NTM: variants seen among roughly 807,000 people sequenced by gnomAD.
The protein encoded by NTM is neurotrimin, also known as IgLON family member 2.
Under a neutral mutation model 42.1 loss-of-function variants are expected in NTM, and 13 were observed. The observed-to-expected ratio is 0.31, with a 90% confidence interval of 0.20 to 0.49. The LOEUF (loss-of-function observed/expected upper bound fraction) is 0.49. Ranked by LOEUF, NTM falls within the 20% of genes least tolerant of loss-of-function variation. The pLI is 0.99. For synonymous variants in NTM, 187 were observed against 179.2 expected (o/e 1.04, Z -0.35); for missense variants, 373 against 452.8 (o/e 0.82, Z 1.60).
intron 1 of NTM, among the ~76,000 whole-genome samples, chr11:131,796,716 G>A (rs79753420): frequency 2.0e-5 from 3 of 152,278 alleles, no homozygotes; most frequent in East Asian, 1.9e-4. Flanking sequence ...CGACATCAGC[G>A]CATGCGTAAG....
At chr11:131,509,798 A>C (rs2136448492) in intron 1 of NTM, among the ~76,000 whole-genome samples, 1 of 152,360 alleles carries the variant, frequency 6.6e-6, no homozygotes, top group South Asian at 2.1e-4. Flanking sequence ...AAAGAGGTAA[A>C]GGAGACCTGT....
chr11:132,063,497 A>G (rs2136055183), intron 2 of NTM, among the ~76,000 whole-genome samples: 1 of 152,262 alleles, frequency 6.6e-6, no homozygotes, highest in Non-Finnish European at 1.5e-5. Context: ...GATAAGGAAT[A>G]ATCAAAATAG....
At chr11:131,599,493 C>T (rs1198921442) in intron 1 of NTM, among the ~76,000 whole-genome samples, 3 of 152,228 alleles carry the variant, frequency 2.0e-5, no homozygotes, top group Non-Finnish European at 4.4e-5. Flanking sequence ...TCTGCCACAT[C>T]GATCTCAGCA....
At chr11:131,806,160 TA>T (rs199741193) in intron 1 of NTM, among the ~76,000 whole-genome samples, 2,557 of 152,340 alleles carry the variant, frequency 0.017, 28 homozygotes, top group Non-Finnish European at 0.026. Context: ...GATTACCTGC[TA>T]AATTCCATGC....
intron 1 of NTM, among the ~76,000 whole-genome samples, chr11:131,841,662 A>G (rs7938681): frequency 0.053 from 7,992 of 152,216 alleles, 706 homozygotes; most frequent in African/African-American, 0.18. Context: ...AACTGCTATC[A>G]GATAGGGAGG....
chr11:131,530,228 A>G (rs112720384), intron 1 of NTM, among the ~76,000 whole-genome samples: 5,618 of 152,250 alleles, frequency 0.037, 347 homozygotes, highest in African/African-American at 0.13. Context: ...TATTTAATAA[A>G]TACTTGCTGA....
At chr11:131,911,715 A>T (rs2055057702) in intron 2 of NTM, 67 bp downstream of exon 2, 3 of 1,596,042 alleles carry the variant, frequency 1.9e-6, no homozygotes, top group Non-Finnish European at 2.6e-6. Flanking sequence ...GCAGGGGTGC[A>T]GGTGTGTGCA....
At chr11:131,510,067 G>A (rs2048031960) in intron 1 of NTM, among the ~76,000 whole-genome samples, 1 of 152,120 alleles carries the variant, frequency 6.6e-6, no homozygotes, top group African/African-American at 2.4e-5. Flanking sequence ...AGCTCCTGGC[G>A]GTGCCTGTGG....
intron 4 of NTM, among the ~76,000 whole-genome samples, chr11:132,238,609 T>G (rs1330504594): frequency 6.6e-6 from 1 of 152,164 alleles, no homozygotes; most frequent in Non-Finnish European, 1.5e-5. Context: ...CTCCCAGAGC[T>G]CTGGCCATTT....
intron 2 of NTM, among the ~76,000 whole-genome samples, chr11:132,111,544 C>A (rs958272269): frequency 6.6e-6 from 1 of 152,104 alleles, no homozygotes; most frequent in Non-Finnish European, 1.5e-5. Context: ...AATTCCAATT[C>A]GTGATGCTGC....
rs540181016 is a variant in NTM, at chr11:131,591,181, C to T, written c.82+220293C>T. 5.8e-4 allele frequency among the ~76,000 whole-genome samples: 89 copies of T among 152,340 alleles called. 1 individual carries two copies. The highest frequency in any genetic ancestry group is 2.1e-3 in the African/African-American group (87 of 41,576). On this transcript the variant is annotated intron_variant, in intron 1 of 8. Coordinates refer to ENST00000683400, the MANE Select transcript of NTM (RefSeq NM_001352005.2). Reference sequence around the variant, plus strand: ...TTCCTCACCTCCTCCCAGCCCCCACCGCAGGGTTCTCTGCTCGCTGCTCTC... The same window carrying T: ...TTCCTCACCTCCTCCCAGCCCCCACTGCAGGGTTCTCTGCTCGCTGCTCTC...
At chr11:131,890,705 G>A (rs1222689255) in intron 1 of NTM, among the ~76,000 whole-genome samples, 2 of 152,066 alleles carry the variant, frequency 1.3e-5, no homozygotes, top group Non-Finnish European at 2.9e-5. Context: ...AGCTCAGAAC[G>A]AGCTCCTCGT....
At position 132,071,082 on chromosome 11, in the gene NTM, G is replaced by A. The variant is rs746705253; in HGVS notation, c.168-75200G>A. Among the ~76,000 whole-genome samples, 44 of 141,822 alleles carry A rather than the reference G, an allele frequency of 3.1e-4. 3 individuals carry two copies. Among genetic ancestry groups the A allele is most frequent in the African/African-American group, 8.4e-4 (33 of 39,066 alleles). The allele number at this position is 141,822 out of a possible 152,430, so 93.0% of individuals were successfully genotyped here. ...CTGACCGTCACAGGTTAGTTAACAC[G>A]TCACACAGCCAGGTTAGCACGTCAC... On this transcript the variant is annotated intron_variant, in intron 2 of 8. Coordinates refer to ENST00000683400, the MANE Select transcript of NTM (RefSeq NM_001352005.2).
chr11:132,316,584 G>A (rs142025623), intron 7 of NTM, among the ~76,000 whole-genome samples: 2,461 of 152,254 alleles, frequency 0.016, 26 homozygotes, highest in Non-Finnish European at 0.025. Flanking sequence ...CAGAAGTCCC[G>A]GAGCCTTAAC....
chr11:131,471,994 C>G (rs1249777998), intron 1 of NTM, among the ~76,000 whole-genome samples: 3 of 152,182 alleles, frequency 2.0e-5, no homozygotes, highest in Non-Finnish European at 4.4e-5. Flanking sequence ...TGAATTCCAA[C>G]CAGCCTCCTG....
chr11:131,473,112 T>G (rs751139634), intron 1 of NTM, among the ~76,000 whole-genome samples: 31 of 152,234 alleles, frequency 2.0e-4, no homozygotes, highest in Non-Finnish European at 4.4e-4. Flanking sequence ...ACTCATTTAA[T>G]AAGATACTTG....
intron 1 of NTM, among the ~76,000 whole-genome samples, chr11:131,406,221 G>T (rs1197888371): frequency 6.6e-6 from 1 of 152,154 alleles, no homozygotes; most frequent in East Asian, 1.9e-4. Context: ...AAAAGGGAAA[G>T]AAAATTTCTT....
intron 1 of NTM, among the ~76,000 whole-genome samples, chr11:131,376,529 A>G (rs530498211): frequency 3.6e-4 from 55 of 152,336 alleles, no homozygotes; most frequent in African/African-American, 1.3e-3. Context: ...TGCAAACTGC[A>G]AAACAAACCA....
intron 1 of NTM, among the ~76,000 whole-genome samples, chr11:131,835,443 G>T (rs2043366605): frequency 6.6e-6 from 1 of 152,132 alleles, no homozygotes; most frequent in Non-Finnish European, 1.5e-5. Flanking sequence ...ATAGAAGAAA[G>T]ATTTAAACAA....
Sources: allele counts gnomAD v4.1 joint callset (sites outside exome capture counted in the v4.1 genomes callset), GRCh38; gene constraint gnomAD v4.1.1; transcripts MANE v1.5; gene names NCBI Gene and HGNC (gene_info 2026-07-23, HGNC 2026-07-21).